ANO10: variants seen among roughly 807,000 people sequenced by gnomAD.
The protein encoded by ANO10 is anoctamin-10.
A neutral mutation model predicts 74.7 loss-of-function variants in ANO10; 77 were observed. That is an observed-to-expected ratio of 1.03 (90% CI 0.86 to 1.25). The LOEUF (loss-of-function observed/expected upper bound fraction) is 1.25, where lower values mean the gene tolerates loss of function less well. Among genes scored for constraint, ANO10 ranks in the 50% most tolerant of loss-of-function variants. ANO10 has a pLI of 0.00. For missense variants in ANO10, 721 were observed against 778.1 expected, an observed-to-expected ratio of 0.93 and a Z score of 0.87; for synonymous variants, 279 against 284.9, an observed-to-expected ratio of 0.98 and a Z score of 0.21.
Position 43,486,361 on chromosome 3 carries a change from G to C in ANO10, c.1798-53634C>G, listed in dbSNP as rs1048188876. Among the ~76,000 whole-genome samples, 5 of 151,962 alleles carry C rather than the reference G, an allele frequency of 3.3e-5. No homozygotes were observed. The South Asian group carries it at 6.3e-4, about 19-fold the overall frequency. ...CTGTGAAGAAAGGCATTGGTAGCTTGATGGGGATGGCATTGAATCTGTAAA... is the reference window on the plus strand; with the variant it reads ...CTGTGAAGAAAGGCATTGGTAGCTTCATGGGGATGGCATTGAATCTGTAAA... On this transcript the variant is annotated intron_variant, in intron 11 of 12. Transcript: ENST00000292246.
At chr3:43,654,246 G>GA (rs1052165635) in intron 1 of ANO10, among the ~76,000 whole-genome samples, 2 of 152,056 alleles carry the variant, frequency 1.3e-5, no homozygotes, top group African/African-American at 4.8e-5. Flanking sequence ...AGAAGAAAGG[G>GA]AAAAAATCCC....
At position 43,597,759 on chromosome 3, in the gene ANO10, A is replaced by C. The variant is rs1319841351; in HGVS notation, c.472+773T>G. On this transcript the variant is annotated intron_variant, in intron 4 of 12. Coordinates refer to ENST00000292246, the MANE Select transcript of ANO10 (RefSeq NM_018075.5). ...ACATGTACCCTAGAACTTAAAGTAT[A>C]ATAATAATAAATAAAAAATTTTTAA... 2.0e-4 allele frequency among the ~76,000 whole-genome samples: 30 copies of C among 152,060 alleles called. 1 individual carries two copies.
chr3:43,406,827 T>C (rs1471851036), intron 12 of ANO10, among the ~76,000 whole-genome samples: 1 of 152,150 alleles, frequency 6.6e-6, no homozygotes, highest in Non-Finnish European at 1.5e-5. Context: ...CAGTTGATCA[T>C]ATGACTATCA....
intron 12 of ANO10, among the ~76,000 whole-genome samples, chr3:43,394,102 G>C (rs2092331557): frequency 6.6e-6 from 1 of 152,104 alleles, no homozygotes; most frequent in African/African-American, 2.4e-5. Context: ...TGGCTGGTAG[G>C]CCTGATAAGT....
At position 43,520,658 on chromosome 3, in the gene ANO10, T is replaced by C. The variant is rs370442591; in HGVS notation, c.1797+29062A>G. The stretch of plus-strand genomic sequence containing the variant: ...TTTATTTATTTATTATTTTACTACA[T>C]GGGCATTCTTATGCTACTATGATTA... On this transcript the variant is annotated intron_variant, in intron 11 of 12. Coordinates refer to ENST00000292246, the MANE Select transcript of ANO10 (RefSeq NM_018075.5). Among the ~76,000 whole-genome samples the C allele has an allele frequency of 8.1e-4, 123 of 152,302 alleles. No homozygotes were observed. The Middle Eastern group carries it at 0.01, about 13-fold the overall frequency.
intron 11 of ANO10, among the ~76,000 whole-genome samples, chr3:43,461,856 A>C (rs2075392412): frequency 6.6e-6 from 1 of 152,238 alleles, no homozygotes; most frequent in African/African-American, 2.4e-5. Flanking sequence ...AAAATGTGGA[A>C]GCAATTTTGG....
chr3:43,656,239 T>A (rs1444514303), intron 1 of ANO10, among the ~76,000 whole-genome samples: 4 of 151,832 alleles, frequency 2.6e-5, no homozygotes, highest in Admixed American at 6.5e-5. Flanking sequence ...AGACACAGGG[T>A]GCTGATTGGT....
chr3:43,481,927 CTTTTTTTT>C (rs1161910647), intron 11 of ANO10, among the ~76,000 whole-genome samples: 4 of 123,848 alleles, frequency 3.2e-5, no homozygotes, highest in Non-Finnish European at 6.8e-5. Flanking sequence ...CTTTTTTTTT[CTTTTTTTT>C]TTTTTTTTTT....
intron 11 of ANO10, among the ~76,000 whole-genome samples, chr3:43,503,546 AG>A (rs1243080361): frequency 6.6e-6 from 1 of 152,242 alleles, no homozygotes; most frequent in African/African-American, 2.4e-5. Context: ...AATGAAGAGA[AG>A]GGGGCAGAGC....
chr3:43,682,208 G>A (rs2084211412), intron 1 of ANO10, among the ~76,000 whole-genome samples: 1 of 152,032 alleles, frequency 6.6e-6, no homozygotes. Context: ...AGAAAAGAGA[G>A]AAGAATCAAA....
chr3:43,571,634 A>G (rs982161188), intron 7 of ANO10, among the ~76,000 whole-genome samples: 2 of 149,818 alleles, frequency 1.3e-5, no homozygotes, highest in Non-Finnish European at 3.0e-5. Context: ...GAACTGAACA[A>G]TGAGATCACA....
chr3:43,656,730 C>T (rs537669812), intron 1 of ANO10, among the ~76,000 whole-genome samples: 8 of 152,352 alleles, frequency 5.3e-5, no homozygotes, highest in South Asian at 4.1e-4. Flanking sequence ...GTGTGGGGCC[C>T]GCCAAGCCCA....
chr3:43,405,942 C>G (rs982366446), intron 12 of ANO10, among the ~76,000 whole-genome samples: 1 of 152,144 alleles, frequency 6.6e-6, no homozygotes, highest in African/African-American at 2.4e-5. Context: ...TTAATTTACT[C>G]CAAGTTGCAT....
In ANO10 at chr3:43,613,357, C is replaced by T. The variant is rs562558397; in HGVS notation, c.-11-7494G>A. ...TAATGCATAAAAATTTTGGACCAGG[C>T]AATGGGGGACACATGTTCTACAAAA... On this transcript the variant is annotated intron_variant, in intron 1 of 12. Coordinates refer to ENST00000292246, the MANE Select transcript of ANO10 (RefSeq NM_018075.5). Among the ~76,000 whole-genome samples the T allele has an allele frequency of 2.0e-5, 3 of 152,110 alleles. No individual in the cohort carries two copies. In the South Asian group the frequency reaches 6.2e-4, roughly 32 times the overall value.
In ANO10 at chr3:43,575,926, T is replaced by C. The variant is rs1051752509; in HGVS notation, c.1162+766A>G. On this transcript the variant is annotated intron_variant, in intron 6 of 12. Transcript: ENST00000292246. ...TGCTGGGATTCCAGGCGTGAGCCAC[T>C]GCGTCTGGCCCCTAAAACATATTTA... Among the ~76,000 whole-genome samples, 9 of 152,330 alleles carry C rather than the reference T, an allele frequency of 5.9e-5. No homozygotes were observed. In the East Asian group the frequency reaches 7.7e-4, roughly 13 times the overall value.
At chr3:43,562,855 C>G (rs147641525) in intron 8 of ANO10, among the ~76,000 whole-genome samples, 38 of 152,208 alleles carry the variant, frequency 2.5e-4, no homozygotes, top group Non-Finnish European at 5.3e-4. Context: ...AACTATAAAA[C>G]TACTAGAAGA....
chr3:43,548,537 C>T (rs1231186193), intron 11 of ANO10, among the ~76,000 whole-genome samples: 1 of 152,120 alleles, frequency 6.6e-6, no homozygotes, highest in African/African-American at 2.4e-5. Context: ...CTACCAAATA[C>T]AATAAGAGCC....
chr3:43,580,230 A>G (rs914506300), intron 5 of ANO10, 123 bp downstream of exon 5: 18 of 1,301,564 alleles, frequency 1.4e-5, no homozygotes, highest in Non-Finnish European at 1.9e-5. Context: ...TCCCACATGT[A>G]GCTGGTGATC....
intron 1 of ANO10, among the ~76,000 whole-genome samples, chr3:43,620,161 C>T (rs995289584): frequency 1.3e-5 from 2 of 151,926 alleles, no homozygotes; most frequent in Non-Finnish European, 2.9e-5. Context: ...GTACTAGGCA[C>T]ATAACTAAAA....
Sources: gnomAD v4.1 joint callset for allele counts (sites outside exome capture counted in the v4.1 genomes callset) on GRCh38, gnomAD v4.1.1 for gene constraint, MANE v1.5 for transcripts, NCBI Gene and HGNC (gene_info 2026-07-23, HGNC 2026-07-21) for gene names.